Variants in TET3 observed in about 807,000 individuals in gnomAD.
TET3 encodes tet methylcytosine dioxygenase 3, also known as methylcytosine dioxygenase TET3.
TET3 carries 19 observed loss-of-function variants against 141.4 expected under a neutral mutation model. The ratio of observed to expected loss-of-function variants is 0.13; its 90% CI spans 0.09 to 0.20. TET3 has a LOEUF of 0.20. Ranked by LOEUF, TET3 falls within the 10% of genes least tolerant of loss-of-function variation. The pLI, the probability that TET3 is intolerant of heterozygous loss-of-function variation, is 1.00. For synonymous variants in TET3, 1,043 were observed against 980.9 expected, an observed-to-expected ratio of 1.06 and a Z score of -1.18; for missense variants, 1,874 against 2,356.9, an observed-to-expected ratio of 0.80 and a Z score of 4.24.
At chr2:74,134,177 T>C in the TET3 span, among the ~76,000 whole-genome samples, 2 of 152,194 alleles carry the variant, frequency 1.3e-5, no homozygotes, top group East Asian at 3.9e-4. Context: ...TGCTGGCCTC[T>C]GGGATTCCAA....
the TET3 span, among the ~76,000 whole-genome samples, chr2:74,126,325 G>C: frequency 6.6e-6 from 1 of 152,110 alleles, no homozygotes; most frequent in Non-Finnish European, 1.5e-5. Context: ...CTGTAGTTCT[G>C]TTTCAGGCAG....
intron 2 of TET3, among the ~76,000 whole-genome samples, chr2:73,988,957 G>A (rs1294267332): frequency 7.2e-6 from 1 of 139,766 alleles, no homozygotes; most frequent in Non-Finnish European, 1.5e-5. Flanking sequence ...AATACAAAAT[G>A]GTAACCAGTG....
intron 4 of TET3, among the ~76,000 whole-genome samples, chr2:74,063,906 A>AAT (rs1447366964): frequency 1.3e-5 from 2 of 151,950 alleles, no homozygotes; most frequent in African/African-American, 2.4e-5. Context: ...AAAAAAAAAA[A>AAT]AAATAAGTAA....
chr2:74,128,847 C>G, the TET3 span, among the ~76,000 whole-genome samples: 2 of 151,540 alleles, frequency 1.3e-5, no homozygotes, highest in African/African-American at 4.9e-5. Flanking sequence ...AATAAAATAG[C>G]CAGGCATGGT....
chr2:74,123,856 C>G, the TET3 span, among the ~76,000 whole-genome samples: 1 of 149,222 alleles, frequency 6.7e-6, no homozygotes, highest in Non-Finnish European at 1.5e-5. Flanking sequence ...ATGTGGGGAG[C>G]GCCTCTGCCC....
chr2:74,012,816 A>G (rs1432528962), intron 3 of TET3, among the ~76,000 whole-genome samples: 1 of 151,920 alleles, frequency 6.6e-6, no homozygotes, highest in Admixed American at 6.5e-5. Context: ...GTTGGTTTGA[A>G]TTCTTCTATA....
At chr2:74,031,217 T>C (rs1334521751) in intron 3 of TET3, among the ~76,000 whole-genome samples, 3 of 151,806 alleles carry the variant, frequency 2.0e-5, no homozygotes, top group African/African-American at 7.3e-5. Flanking sequence ...AGAACAGCTC[T>C]GTTGAGGGGA....
chr2:74,087,744 G>A lies in TET3; in HGVS notation c.2680-86G>A, dbSNP rs1248543567. 3 of 1,340,014 alleles carry A rather than the reference G, an allele frequency of 2.2e-6. No homozygotes were observed. The highest frequency in any genetic ancestry group is 3.0e-6 in the Non-Finnish European group (3 of 991,116). The allele number at this position is 1,340,014 out of a possible 1,614,324, so 83.0% of individuals were successfully genotyped here. The stretch of plus-strand genomic sequence containing the variant: ...ACCCTGCCGTTAAGACCTGCACCCT[G>A]GGTCTGTGTGACAAAGGGAGGGGTG... On this transcript the variant is annotated intron_variant, in intron 6 of 11. Coordinates refer to ENST00000409262, the MANE Select transcript of TET3 (RefSeq NM_001287491.2). The surrounding 1 kb of genome is among the most constrained non-coding windows in gnomAD (Gnocchi z 4.3).
At chr2:74,131,507 G>A in the TET3 span, among the ~76,000 whole-genome samples, 1 of 152,196 alleles carries the variant, frequency 6.6e-6, no homozygotes, top group South Asian at 2.1e-4. Flanking sequence ...CCTCTCTCAG[G>A]TTACTGGCCA....
intron 3 of TET3, among the ~76,000 whole-genome samples, chr2:74,030,077 TGTTC>T (rs932922755): frequency 1.3e-5 from 2 of 151,546 alleles, no homozygotes; most frequent in African/African-American, 4.9e-5. Context: ...GGACTCTGTT[TGTTC>T]ACTACTCTAT....
chr2:74,069,276 T>C (rs1331683815), intron 4 of TET3, among the ~76,000 whole-genome samples: 1 of 151,212 alleles, frequency 6.6e-6, no homozygotes, highest in Non-Finnish European at 1.5e-5. Flanking sequence ...TCCCTATTGA[T>C]AGGAAATGCC....
At position 74,093,430 on chromosome 2, in the gene TET3, C is replaced by A; in HGVS notation, c.3130-99C>A. 6.9e-7 allele frequency: 1 copy of A among 1,441,774 alleles called. No homozygotes were observed. The highest frequency in any genetic ancestry group is 9.2e-7 in the Non-Finnish European group (1 of 1,087,958). The allele number at this position is 1,441,774 out of a possible 1,614,324, so 89.3% of individuals were successfully genotyped here. On this transcript the variant is annotated intron_variant, in intron 9 of 11. Transcript: ENST00000409262. The surrounding 1 kb of genome is among the most constrained non-coding windows in gnomAD (Gnocchi z 4.2). The stretch of plus-strand genomic sequence containing the variant: ...AGTCGAAGGGCAAGGTGACTATCAT[C>A]CTTAACATCCCTCCTTCCAAGACCT...
At chr2:74,023,549 T>C (rs944211684) in intron 3 of TET3, among the ~76,000 whole-genome samples, 2 of 152,246 alleles carry the variant, frequency 1.3e-5, no homozygotes, top group Non-Finnish European at 2.9e-5. Context: ...AGTTTAGTTA[T>C]GATTTTCAGG....
chr2:74,031,960 C>G (rs1686719282), intron 3 of TET3, among the ~76,000 whole-genome samples: 1 of 152,188 alleles, frequency 6.6e-6, no homozygotes, highest in Non-Finnish European at 1.5e-5. Context: ...TACTTTGCCA[C>G]TCACCAATTC....
intron 2 of TET3, among the ~76,000 whole-genome samples, chr2:74,000,147 T>TGGCA (rs1684776049): frequency 6.6e-6 from 1 of 152,142 alleles, no homozygotes; most frequent in Admixed American, 6.5e-5. Context: ...AGTTCAGTTC[T>TGGCA]GGCAGGTCCT....
At chr2:74,002,171 A>G (rs1270149354) in intron 2 of TET3, among the ~76,000 whole-genome samples, 5 of 152,100 alleles carry the variant, frequency 3.3e-5, no homozygotes, top group Non-Finnish European at 7.4e-5. Context: ...TAGCCGCATC[A>G]CCTTGGGTAA....
chr2:74,096,291 C>T (rs559680317), intron 10 of TET3, among the ~76,000 whole-genome samples: 1 of 152,332 alleles, frequency 6.6e-6, no homozygotes, highest in East Asian at 1.9e-4. Context: ...TAGACCCACA[C>T]ATAGTCTGGG....
At chr2:74,014,230 T>C (rs1685612074) in intron 3 of TET3, among the ~76,000 whole-genome samples, 3 of 152,242 alleles carry the variant, frequency 2.0e-5, no homozygotes, top group African/African-American at 7.2e-5. Flanking sequence ...ACATTTTTTC[T>C]ATTTTTTTCT....
chr2:74,128,526 A>G, the TET3 span, among the ~76,000 whole-genome samples: 6 of 152,326 alleles, frequency 3.9e-5, no homozygotes, highest in African/African-American at 1.2e-4. Context: ...GCTCTCCTTA[A>G]TAATAGTGTA....
Sources: allele counts gnomAD v4.1 joint callset (sites outside exome capture counted in the v4.1 genomes callset), GRCh38; gene constraint gnomAD v4.1.1; non-coding constraint Gnocchi (gnomAD v3.1); transcripts MANE v1.5; gene names NCBI Gene and HGNC (gene_info 2026-07-23, HGNC 2026-07-21).